PCDHA2: variants seen among roughly 807,000 people sequenced by gnomAD.
The protein encoded by PCDHA2 is protocadherin alpha 2.
Under a neutral mutation model 66.0 loss-of-function variants are expected in PCDHA2, and 58 were observed. The observed-to-expected ratio is 0.88, with a 90% CI of 0.71 to 1.09. The LOEUF is 1.09. PCDHA2 is among the 50% of genes least tolerant of loss of function. The probability of loss-of-function intolerance (pLI) is 0.00; values close to 1 mark genes in which losing one functional copy is unlikely to be tolerated. For synonymous variants in PCDHA2, 634 were observed against 554.0 expected (o/e 1.14, Z -2.03); for missense variants, 1,267 against 1,242.3 (o/e 1.02, Z -0.30).
At chr5:140,945,705 A>G (rs868920609) in intron 1 of PCDHA2, among the ~76,000 whole-genome samples, 5 of 152,154 alleles carry the variant, frequency 3.3e-5, no homozygotes, top group South Asian at 2.1e-4. Flanking sequence ...GATTTGCAAC[A>G]AAAGTATCAA....
chr5:140,989,235 T>G (rs1408596966), intron 3 of PCDHA2, among the ~76,000 whole-genome samples: 1 of 152,204 alleles, frequency 6.6e-6, no homozygotes, highest in Non-Finnish European at 1.5e-5. Context: ...AGCTGAAGTT[T>G]TAAGCCCCTT....
At chr5:140,808,976 G>T in intron 1 of PCDHA2, 1 of 1,613,688 alleles carries the variant, frequency 6.2e-7, no homozygotes, top group Non-Finnish European at 8.5e-7. Context: ...GGTGCGCGCG[G>T]TGGATGCTGA....
At chr5:140,907,857 G>C (rs1554193158) in intron 1 of PCDHA2, among the ~76,000 whole-genome samples, 1 of 152,210 alleles carries the variant, frequency 6.6e-6, no homozygotes, top group Non-Finnish European at 1.5e-5. Flanking sequence ...CTCTGCTGAG[G>C]CCAGCCGTTG....
At chr5:140,911,436 C>G (rs369054235) in intron 1 of PCDHA2, among the ~76,000 whole-genome samples, 14 of 152,124 alleles carry the variant, frequency 9.2e-5, no homozygotes, top group African/African-American at 2.4e-4. Flanking sequence ...TCCAATTTCC[C>G]GCAATTTCAG....
chr5:140,994,303 C>T (rs13163241), intron 3 of PCDHA2, among the ~76,000 whole-genome samples: 9,825 of 152,220 alleles, frequency 0.065, 357 homozygotes, highest in East Asian at 0.12. Flanking sequence ...ATTGTTTTCA[C>T]AGGGCCCAAA....
At chr5:140,847,907 G>A (rs1382630949) in intron 1 of PCDHA2, 1 of 149,326 alleles carries the variant, frequency 6.7e-6, no homozygotes, top group Non-Finnish European at 1.5e-5. Flanking sequence ...TAGATTTCTG[G>A]GCTCCTATAT....
chr5:140,796,478 C>A lies in PCDHA2; in HGVS notation c.1514C>A (p.Ser505Ter), dbSNP rs567436398. The A allele has an allele frequency of 1.2e-6, 2 of 1,612,232 alleles. No homozygotes were observed. Among genetic ancestry groups the A allele is most frequent in the Non-Finnish European group, 1.7e-6 (2 of 1,179,828 alleles). Residue 505 changes from serine to a stop codon, truncating the protein, a stop_gained, in exon 1 of 4, where the codon TCG (serine) becomes TAG (stop). Coordinates refer to ENST00000526136, the MANE Select transcript of PCDHA2 (RefSeq NM_018905.3). LOFTEE classifies it high-confidence loss of function. ...CGGCGGGTGGGCGAGCGCGCGTTGTCGAGCTACGTTTCGGTGCACGCGGAG... is the reference window on the plus strand; with the variant it reads ...CGGCGGGTGGGCGAGCGCGCGTTGTAGAGCTACGTTTCGGTGCACGCGGAG... ...VERRVGERAL[S>*]SYVSVHAESG...
chr5:140,847,536 G>C (rs1162683759), intron 1 of PCDHA2: 1 of 149,444 alleles, frequency 6.7e-6, no homozygotes, highest in Non-Finnish European at 1.5e-5. Context: ...AGAATCTCAA[G>C]CATAGCTTTA....
intron 1 of PCDHA2, among the ~76,000 whole-genome samples, chr5:140,895,123 T>C (rs1583185390): frequency 6.6e-6 from 1 of 152,300 alleles, no homozygotes; most frequent in East Asian, 1.9e-4. Flanking sequence ...CATTTGTTAG[T>C]TGACAAGTTC....
chr5:140,982,308 A>T, intron 2 of PCDHA2, 167 bp from the exon 3 acceptor site: 1 of 1,269,286 alleles, frequency 7.9e-7, no homozygotes. Context: ...ATGCTTCTGC[A>T]GTTTATGCAG....
At chr5:140,833,750 A>AC (rs1554133942) in intron 1 of PCDHA2, among the ~76,000 whole-genome samples, 2 of 108,038 alleles carry the variant, frequency 1.9e-5, no homozygotes, top group African/African-American at 3.5e-5. Flanking sequence ...CCTAAAAAGA[A>AC]AACACACACA....
intron 1 of PCDHA2, among the ~76,000 whole-genome samples, chr5:140,922,458 C>A (rs782064554): frequency 6.6e-6 from 1 of 152,160 alleles, no homozygotes; most frequent in Non-Finnish European, 1.5e-5. Context: ...TATTTGTCAA[C>A]ACAAAATAGG....
intron 1 of PCDHA2, chr5:140,823,492 G>A (rs886912020): frequency 6.2e-7 from 1 of 1,613,280 alleles, no homozygotes; most frequent in East Asian, 2.2e-5. Flanking sequence ...GGGTGGCACC[G>A]GCGGCGCAGT....
At chr5:140,929,281 C>A in intron 1 of PCDHA2, 1 of 1,602,592 alleles carries the variant, frequency 6.2e-7, no homozygotes, top group Non-Finnish European at 8.5e-7. Context: ...ATCCTGTATT[C>A]AGATTCGGAA....
At position 140,858,007 on chromosome 5, in the gene PCDHA2, T is replaced by A. The variant is rs1383838363; in HGVS notation, c.2388+60655T>A. The stretch of plus-strand genomic sequence containing the variant: ...GCCTACTGGTGCTGGTGAAGGACCA[T>A]GGCGAGCCGTCGCTGACGGCCACGG... On this transcript the variant is annotated intron_variant, in intron 1 of 3. Coordinates refer to ENST00000526136, the MANE Select transcript of PCDHA2 (RefSeq NM_018905.3). The A allele has an allele frequency of 8.8e-6, 14 of 1,596,616 alleles. 1 individual carries two copies. Among genetic ancestry groups the A allele is most frequent in the Non-Finnish European group, 1.1e-5 (13 of 1,167,062 alleles).
intron 1 of PCDHA2, among the ~76,000 whole-genome samples, chr5:140,892,332 T>A (rs552266223): frequency 6.6e-6 from 1 of 152,274 alleles, no homozygotes; most frequent in African/African-American, 2.4e-5. Context: ...TTCTCCAGAA[T>A]GGATTTTAAT....
Position 140,994,560 on chromosome 5 carries a change from C to T in PCDHA2, c.2536+11997C>T, listed in dbSNP as rs140191916. Among the ~76,000 whole-genome samples, 970 of 152,032 alleles carry T rather than the reference C, an allele frequency of 6.4e-3. 14 individuals carry two copies. Among genetic ancestry groups the T allele is most frequent in the African/African-American group, 0.023 (943 of 41,474 alleles). On this transcript the variant is annotated intron_variant, in intron 3 of 3. Coordinates refer to ENST00000526136, the MANE Select transcript of PCDHA2 (RefSeq NM_018905.3). ...TCTACAAAAAAAATATAAAAATTAG[C>T]CGGGTGTGGTGGCATGCACTTGTAG...
Position 140,906,732 on chromosome 5 carries a change from T to G in PCDHA2, c.2389-72217T>G, listed in dbSNP as rs535007647. On this transcript the variant is annotated intron_variant, in intron 1 of 3. Coordinates refer to ENST00000526136, the MANE Select transcript of PCDHA2 (RefSeq NM_018905.3). ...CTGCCTGGATTGTGCTGTTGTAGTT[T>G]CCCATTGACACAGGGCATGGTAATA... Among the ~76,000 whole-genome samples, 14 of 152,296 alleles carry G rather than the reference T, an allele frequency of 9.2e-5. No individual in the cohort carries two copies. The South Asian group carries it at 2.7e-3, about 29-fold the overall frequency.
At chr5:140,823,536 C>A (rs2150126761) in intron 1 of PCDHA2, 1 of 1,613,790 alleles carries the variant, frequency 6.2e-7, no homozygotes, top group South Asian at 1.1e-5. Flanking sequence ...TGGGTGCGGG[C>A]CACGTGGTGG....
Sources: allele counts gnomAD v4.1 joint callset (sites outside exome capture counted in the v4.1 genomes callset), GRCh38; gene constraint gnomAD v4.1.1; transcripts MANE v1.5; gene names NCBI Gene and HGNC (gene_info 2026-07-23, HGNC 2026-07-21).